The following SAMD12 variants were observed in gnomAD, a reference collection of about 807,000 sequenced individuals.
The protein encoded by SAMD12 is sterile alpha motif domain containing 12, also known as sterile alpha motif domain-containing protein 12.
SAMD12 carries 9 observed loss-of-function variants against 15.0 expected under a neutral mutation model. The observed-to-expected ratio is 0.60, with a 90% CI of 0.36 to 1.05. The LOEUF (loss-of-function observed/expected upper bound fraction) is 1.05. SAMD12 is among the 50% of genes least tolerant of loss of function. The probability of loss-of-function intolerance (pLI) is 0.01; values close to 1 mark genes in which losing one functional copy is unlikely to be tolerated. For synonymous variants in SAMD12, 86 were observed against 90.1 expected (o/e 0.96, Z 0.25); for missense variants, 230 against 234.2 (o/e 0.98, Z 0.12).
At chr8:118,215,993 C>T (rs1231517467) in intron 4 of SAMD12, among the ~76,000 whole-genome samples, 1 of 151,238 alleles carries the variant, frequency 6.6e-6, no homozygotes, top group Non-Finnish European at 1.5e-5. Context: ...AATGGGATGG[C>T]TGGGTCAAAT....
chr8:118,208,179 C>T (rs1819919858), intron 4 of SAMD12, among the ~76,000 whole-genome samples: 1 of 152,118 alleles, frequency 6.6e-6, no homozygotes, highest in Admixed American at 6.5e-5. Context: ...CTCACTTGAA[C>T]TCAGGAGGCA....
the SAMD12 span, among the ~76,000 whole-genome samples, chr8:118,156,161 A>C: frequency 1.3e-5 from 2 of 152,216 alleles, no homozygotes; most frequent in African/African-American, 4.8e-5. Context: ...ATTCCAGCTT[A>C]AGCAGAGGTG....
exon 5 of SAMD12, chr8:118,190,795 A>G (rs1049001948): frequency 6.6e-6 from 1 of 152,174 alleles, no homozygotes; most frequent in African/African-American, 2.4e-5. Flanking sequence ...CATACTGAAG[A>G]GCAGTGGCCC....
At chr8:118,135,233 G>A in the SAMD12 span, among the ~76,000 whole-genome samples, 1 of 152,186 alleles carries the variant, frequency 6.6e-6, no homozygotes, top group Non-Finnish European at 1.5e-5. Context: ...CCAGGCTAGA[G>A]TGCAGTGGCA....
chr8:118,416,775 A>G (rs766977848), intron 3 of SAMD12, among the ~76,000 whole-genome samples: 21 of 152,108 alleles, frequency 1.4e-4, no homozygotes, highest in Non-Finnish European at 2.5e-4. Flanking sequence ...CACCCCTTCA[A>G]TCCTTAGCAT....
chr8:118,382,910 C>T (rs566977155), intron 3 of SAMD12, among the ~76,000 whole-genome samples: 78 of 152,108 alleles, frequency 5.1e-4, no homozygotes, highest in Admixed American at 2.0e-3. Flanking sequence ...TAACAAAATC[C>T]GATTCACGGT....
the SAMD12 span, among the ~76,000 whole-genome samples, chr8:118,178,643 T>G: frequency 6.6e-6 from 1 of 151,974 alleles, no homozygotes; most frequent in Non-Finnish European, 1.5e-5. Context: ...ATTTTGTATT[T>G]GTAGTAGAGA....
the SAMD12 span, among the ~76,000 whole-genome samples, chr8:118,183,274 C>G: frequency 6.6e-5 from 10 of 152,326 alleles, no homozygotes; most frequent in South Asian, 2.1e-3. Context: ...CTTCTTCTAT[C>G]ATATCTTCTT....
intron 4 of SAMD12, among the ~76,000 whole-genome samples, chr8:118,316,962 G>C (rs186025068): frequency 6.6e-6 from 1 of 151,804 alleles, no homozygotes; most frequent in Admixed American, 6.6e-5. Flanking sequence ...TCAGAGATAC[G>C]AACTTTAAAG....
At position 118,258,224 on chromosome 8, in the gene SAMD12, T is replaced by C. The variant is rs572891308; in HGVS notation, c.434-60492A>G. ...AAGAGAACTGCAGCAGAACAGGAAA[T>C]GGGCTGAAGTTTAGTCATTTCATTT... On this transcript the variant is annotated intron_variant, in intron 4 of 4. Coordinates refer to the SAMD12 transcript ENST00000409003. Among the ~76,000 whole-genome samples the C allele has an allele frequency of 2.6e-5, 4 of 152,236 alleles. No individual in the cohort carries two copies. The South Asian group carries it at 6.2e-4, about 24-fold the overall frequency.
chr8:118,565,197 C>A (rs1346888956), intron 2 of SAMD12, among the ~76,000 whole-genome samples: 31 of 152,112 alleles, frequency 2.0e-4, no homozygotes, highest in Non-Finnish European at 4.3e-4. Flanking sequence ...TCCCAGTAGC[C>A]CTATTCCTCC....
chr8:118,162,392 C>A, the SAMD12 span, among the ~76,000 whole-genome samples: 3 of 150,650 alleles, frequency 2.0e-5, no homozygotes, highest in East Asian at 5.8e-4. Context: ...ATCTTATTGG[C>A]AGGAAAGAAA....
At chr8:118,168,620 G>C in the SAMD12 span, among the ~76,000 whole-genome samples, 1 of 152,104 alleles carries the variant, frequency 6.6e-6, no homozygotes, top group Non-Finnish European at 1.5e-5. Flanking sequence ...TGGCTTGTCT[G>C]CCTCACTGGT....
chr8:118,307,684 T>A (rs1409955435), intron 4 of SAMD12, among the ~76,000 whole-genome samples: 1 of 152,208 alleles, frequency 6.6e-6, no homozygotes, highest in African/African-American at 2.4e-5. Context: ...TGCCTAAAGT[T>A]ACAATGCAGC....
At chr8:118,420,153 G>A (rs1358006117) in intron 3 of SAMD12, among the ~76,000 whole-genome samples, 1 of 152,186 alleles carries the variant, frequency 6.6e-6, no homozygotes, top group Non-Finnish European at 1.5e-5. Flanking sequence ...CACAATCATG[G>A]GAAAAGTGAA....
chr8:118,191,120 G>C (rs976099267), exon 5 of SAMD12: 8 of 152,098 alleles, frequency 5.3e-5, no homozygotes, highest in African/African-American at 1.7e-4. Context: ...CCAAATATTT[G>C]TGCTGGCTTG....
intron 3 of SAMD12, among the ~76,000 whole-genome samples, chr8:118,390,593 G>C (rs994720231): frequency 6.6e-6 from 1 of 152,168 alleles, no homozygotes; most frequent in Admixed American, 6.5e-5. Context: ...CAATACCAGA[G>C]CTAGCAAGGA....
intron 3 of SAMD12, among the ~76,000 whole-genome samples, chr8:118,417,703 AG>A: frequency 6.6e-6 from 1 of 152,346 alleles, no homozygotes; most frequent in Non-Finnish European, 1.5e-5. Context: ...TCCAAACCAC[AG>A]AACACATGCA....
intron 2 of SAMD12, among the ~76,000 whole-genome samples, chr8:118,459,228 G>T (rs911863410): frequency 6.6e-6 from 1 of 151,962 alleles, no homozygotes; most frequent in Non-Finnish European, 1.5e-5. Flanking sequence ...ACCACACTTG[G>T]CTACTTCTTG....
Sources: gnomAD v4.1 joint callset for allele counts (sites outside exome capture counted in the v4.1 genomes callset) on GRCh38, gnomAD v4.1.1 for gene constraint, MANE v1.5 for transcripts, NCBI Gene and HGNC (gene_info 2026-07-23, HGNC 2026-07-21) for gene names.